The following TEKT5 variants were observed in gnomAD, a reference collection of about 807,000 sequenced individuals.
TEKT5 encodes tektin-5.
Under a neutral mutation model 48.7 loss-of-function variants are expected in TEKT5, and 52 were observed. The ratio of observed to expected loss-of-function variants is 1.07; its 90% CI spans 0.86 to 1.35. The LOEUF is 1.35. Among genes scored for constraint, TEKT5 ranks in the 40% most tolerant of loss-of-function variants. TEKT5 has a pLI of 0.00. For missense variants in TEKT5, 831 were observed against 641.6 expected (o/e 1.30, Z -3.19); for synonymous variants, 318 against 267.6 (o/e 1.19, Z -1.84).
intron 6 of TEKT5, among the ~76,000 whole-genome samples, chr16:10,633,932 C>G (rs917486258): frequency 1.3e-5 from 2 of 152,170 alleles, no homozygotes; most frequent in Non-Finnish European, 2.9e-5. Flanking sequence ...GTAACTGAGG[C>G]TGTGCAAAAA....
intron 5 of TEKT5, among the ~76,000 whole-genome samples, chr16:10,644,124 A>G (rs2142267091): frequency 6.6e-6 from 1 of 152,324 alleles, no homozygotes; most frequent in Non-Finnish European, 1.5e-5. Flanking sequence ...AAGTTACACA[A>G]GGGGCTTGCA....
intron 1 of TEKT5, chr16:10,691,434 G>A (rs950722905): frequency 2.6e-5 from 4 of 152,490 alleles, no homozygotes; most frequent in Non-Finnish European, 1.5e-5. Flanking sequence ...GGAGTGGTCA[G>A]GGAGGAATTC....
At chr16:10,653,984 T>C (rs1028561328) in intron 5 of TEKT5, among the ~76,000 whole-genome samples, 12 of 151,570 alleles carry the variant, frequency 7.9e-5, no homozygotes, top group Non-Finnish European at 1.5e-4. Flanking sequence ...CTAAGTAAAA[T>C]TGTGTGTGTG....
chr16:10,693,246 C>T (rs543218702), intron 1 of TEKT5, among the ~76,000 whole-genome samples: 156 of 152,250 alleles, frequency 1.0e-3, no homozygotes, highest in African/African-American at 3.6e-3. Flanking sequence ...CAGACATGTG[C>T]CACCATACCC....
rs1486261837 is a variant in TEKT5 at position 10,671,226 on chromosome 16, G to A, written c.1086+4733C>T. ...AAATTCTTATCCCTGTTTCACAGGT[G>A]AGAAACCAGGTACCAATAGCCAACT... On this transcript the variant is annotated intron_variant, in intron 5 of 6. Transcript: ENST00000283025. Among the ~76,000 whole-genome samples the A allele has an allele frequency of 2.6e-5, 4 of 152,332 alleles. No individual in the cohort carries two copies. In the East Asian group the frequency reaches 7.7e-4, roughly 29 times the overall value.
chr16:10,656,275 G>C (rs1898260551), intron 5 of TEKT5, among the ~76,000 whole-genome samples: 1 of 151,918 alleles, frequency 6.6e-6, no homozygotes, highest in Non-Finnish European at 1.5e-5. Context: ...TTATTTTTTT[G>C]AGAGTCTTGC....
At chr16:10,674,693 T>C (rs945325764) in intron 5 of TEKT5, among the ~76,000 whole-genome samples, 4 of 151,708 alleles carry the variant, frequency 2.6e-5, no homozygotes, top group Non-Finnish European at 5.9e-5. Flanking sequence ...TTATTGTCTC[T>C]TTTGGAGTAC....
At chr16:10,688,274 G>A (rs910139656) in intron 3 of TEKT5, among the ~76,000 whole-genome samples, 1 of 152,184 alleles carries the variant, frequency 6.6e-6, no homozygotes, top group Non-Finnish European at 1.5e-5. Context: ...GTCTGTCCGT[G>A]ACCAAGCTCT....
At chr16:10,641,220 T>G (rs1897990527) in intron 5 of TEKT5, among the ~76,000 whole-genome samples, 1 of 152,212 alleles carries the variant, frequency 6.6e-6, no homozygotes, top group Non-Finnish European at 1.5e-5. Flanking sequence ...CTTGTCTCTT[T>G]GAAGAGCAAG....
intron 3 of TEKT5, among the ~76,000 whole-genome samples, chr16:10,687,373 A>G (rs2541493): frequency 1.5e-3 from 234 of 152,372 alleles, no homozygotes; most frequent in African/African-American, 5.2e-3. Context: ...AATTAAAAAA[A>G]TAAGTGTAAG....
At chr16:10,687,459 A>C (rs1280751103) in intron 3 of TEKT5, among the ~76,000 whole-genome samples, 1 of 152,248 alleles carries the variant, frequency 6.6e-6, no homozygotes, top group Non-Finnish European at 1.5e-5. Flanking sequence ...AAATAAGAGT[A>C]TTTAGGCCAG....
intron 5 of TEKT5, among the ~76,000 whole-genome samples, chr16:10,666,366 A>G (rs1159745962): frequency 2.0e-5 from 3 of 152,244 alleles, no homozygotes; most frequent in East Asian, 1.9e-4. Context: ...CCTTTAAAAC[A>G]AGGTTTCTCA....
intron 5 of TEKT5, among the ~76,000 whole-genome samples, chr16:10,667,681 C>T (rs1898481129): frequency 6.6e-6 from 1 of 152,152 alleles, no homozygotes. Flanking sequence ...TACTGGGCAG[C>T]ATCGTCATCA....
At chr16:10,671,243 T>C (rs1028899800) in intron 5 of TEKT5, among the ~76,000 whole-genome samples, 47 of 152,168 alleles carry the variant, frequency 3.1e-4, no homozygotes, top group Non-Finnish European at 2.2e-4. Context: ...CAGGTACCAA[T>C]AGCCAACTAA....
At chr16:10,667,363 G>T (rs916686058) in intron 5 of TEKT5, among the ~76,000 whole-genome samples, 2 of 152,150 alleles carry the variant, frequency 1.3e-5, no homozygotes, top group African/African-American at 4.8e-5. Flanking sequence ...GCCTGGAACC[G>T]ACTCCTATAC....
chr16:10,660,251 C>T (rs1898342121), intron 5 of TEKT5, among the ~76,000 whole-genome samples: 1 of 152,116 alleles, frequency 6.6e-6, no homozygotes, highest in South Asian at 2.1e-4. Context: ...TAGAAAAGGG[C>T]TCTCCTCAGT....
chr16:10,636,552 G>C (rs146009292), intron 5 of TEKT5, among the ~76,000 whole-genome samples: 172 of 152,084 alleles, frequency 1.1e-3, no homozygotes, highest in African/African-American at 4.1e-3. Flanking sequence ...AAGGGAGTGA[G>C]GGAGAAGAAG....
intron 6 of TEKT5, among the ~76,000 whole-genome samples, chr16:10,628,121 C>T (rs958807768): frequency 3.3e-5 from 5 of 152,144 alleles, no homozygotes; most frequent in Non-Finnish European, 7.3e-5. Flanking sequence ...GCCGGGATTA[C>T]AAGCATGAGC....
chr16:10,680,948 A>T (rs1473639477), intron 4 of TEKT5, among the ~76,000 whole-genome samples: 2 of 150,830 alleles, frequency 1.3e-5, no homozygotes, highest in Non-Finnish European at 1.5e-5. Flanking sequence ...AGCATGGCAC[A>T]TGTATACATA....
Sources: gnomAD v4.1 joint callset for allele counts (sites outside exome capture counted in the v4.1 genomes callset) on GRCh38, gnomAD v4.1.1 for gene constraint, MANE v1.5 for transcripts, NCBI Gene and HGNC (gene_info 2026-07-23, HGNC 2026-07-21) for gene names.